The following PIEZO2 variants were observed in gnomAD, a reference collection of about 807,000 sequenced individuals.
PIEZO2 encodes the protein piezo-type mechanosensitive ion channel component 2.
A neutral mutation model predicts 337.3 loss-of-function variants in PIEZO2; 172 were observed. The ratio of observed to expected loss-of-function variants is 0.51; its 90% CI spans 0.45 to 0.58. PIEZO2 has a LOEUF of 0.58. PIEZO2 is among the 20% of genes least tolerant of loss of function. The pLI, the probability that PIEZO2 is intolerant of heterozygous loss-of-function variation, is 0.00. For synonymous variants in PIEZO2, 1,251 were observed against 1,228.5 expected, an observed-to-expected ratio of 1.02 and a Z score of -0.38; for missense variants, 3,028 against 3,391.3, an observed-to-expected ratio of 0.89 and a Z score of 2.66.
At chr18:11,135,710 G>A in intron 1 of PIEZO2, among the ~76,000 whole-genome samples, 1 of 152,148 alleles carries the variant, frequency 6.6e-6, no homozygotes, top group East Asian at 1.9e-4. Flanking sequence ...ATCACGCCCA[G>A]CTAATTTTTG....
At chr18:11,122,550 A>C (rs1332847110) in intron 1 of PIEZO2, among the ~76,000 whole-genome samples, 1 of 152,224 alleles carries the variant, frequency 6.6e-6, no homozygotes, top group Non-Finnish European at 1.5e-5. Context: ...TGCCAATATG[A>C]AAACTAGTAG....
chr18:10,967,035 T>G (rs1462326385), intron 3 of PIEZO2, among the ~76,000 whole-genome samples: 1 of 148,534 alleles, frequency 6.7e-6, no homozygotes, highest in Non-Finnish European at 1.5e-5. Flanking sequence ...TTTTTTTTTT[T>G]GAGATGGAGT....
In PIEZO2 at chr18:10,903,958, A is replaced by G. The variant is rs903613767; in HGVS notation, c.329+7228T>C. On this transcript the variant is annotated intron_variant, in intron 4 of 55. Transcript: ENST00000674853. The surrounding 1 kb of genome is among the most constrained non-coding windows in gnomAD (Gnocchi z 4.1). Reference sequence around the variant, plus strand: ...TCCTTCTTCCACTTCTGTAATATAGATATCATTAGAATAGCACCTGGTACA... The same window carrying G: ...TCCTTCTTCCACTTCTGTAATATAGGTATCATTAGAATAGCACCTGGTACA... 2.0e-5 allele frequency among the ~76,000 whole-genome samples: 3 copies of G among 152,182 alleles called. No homozygotes were observed. The highest frequency in any genetic ancestry group is 4.4e-5 in the Non-Finnish European group (3 of 68,034).
At chr18:11,025,192 G>T (rs1443235563) in intron 2 of PIEZO2, among the ~76,000 whole-genome samples, 1 of 152,042 alleles carries the variant, frequency 6.6e-6, no homozygotes, top group Non-Finnish European at 1.5e-5. Flanking sequence ...CCTCATCCGG[G>T]AAATGGAGAT....
chr18:10,944,055 T>C (rs908568647), intron 3 of PIEZO2, among the ~76,000 whole-genome samples: 1 of 152,156 alleles, frequency 6.6e-6, no homozygotes, highest in African/African-American at 2.4e-5. Context: ...CTTTTGTAAA[T>C]TGTCTAGTCT....
In PIEZO2 at chr18:10,878,924, A is replaced by C. The variant is rs141699330; in HGVS notation, c.330-7509T>G. 6.0e-4 allele frequency among the ~76,000 whole-genome samples: 92 copies of C among 152,318 alleles called. 3 individuals carry two copies. In the East Asian group the frequency reaches 0.014, roughly 24 times the overall value. On this transcript the variant is annotated intron_variant, in intron 4 of 55. Transcript: ENST00000674853. This position sits in a 1 kb window ranked among gnomAD's most constrained non-coding sequence, Gnocchi z 4.3. ...AGGTGGTGTTTTCACAATGAGTGTC[A>C]GGTGTGGTTAGGACTTTCAGGTGCA...
chr18:10,831,082 T>C (rs906062711), intron 7 of PIEZO2, among the ~76,000 whole-genome samples: 6 of 152,128 alleles, frequency 3.9e-5, no homozygotes, highest in Non-Finnish European at 8.8e-5. Flanking sequence ...GGTGGGAATG[T>C]CAATTAGCAC....
chr18:11,024,154 A>G (rs113231149), intron 2 of PIEZO2, among the ~76,000 whole-genome samples: 7,528 of 152,292 alleles, frequency 0.049, 567 homozygotes, highest in African/African-American at 0.16. Flanking sequence ...CCAAGGCCGC[A>G]GAGGCACCGA....
At chr18:10,839,432 A>G (rs2041121588) in intron 7 of PIEZO2, among the ~76,000 whole-genome samples, 1 of 152,216 alleles carries the variant, frequency 6.6e-6, no homozygotes, top group African/African-American at 2.4e-5. Context: ...ATCAAAGAGC[A>G]CTGCACTCTA....
chr18:10,843,313 A>T lies in PIEZO2; in HGVS notation c.917+12040T>A, dbSNP rs544243584. On this transcript the variant is annotated intron_variant, in intron 7 of 55. Transcript: ENST00000674853. Reference sequence around the variant, plus strand: ...AAGATCTCTTTAGATTTCATTTCTTATACGCTCACACTTTCCAATAAAAAG... The same window carrying T: ...AAGATCTCTTTAGATTTCATTTCTTTTACGCTCACACTTTCCAATAAAAAG... Among the ~76,000 whole-genome samples the T allele has an allele frequency of 8.9e-4, 136 of 152,096 alleles. 1 individual carries two copies. Among genetic ancestry groups the T allele is most frequent in the African/African-American group, 3.2e-3 (132 of 41,526 alleles).
At chr18:10,782,286 TA>T (rs67659271) in intron 17 of PIEZO2, among the ~76,000 whole-genome samples, 83,032 of 98,868 alleles carry the variant, frequency 0.84, 35,179 homozygotes, top group East Asian at 0.93. Context: ...TTATATAATA[TA>T]ATTATAATTA....
chr18:10,808,045 T>C (rs118119101), intron 7 of PIEZO2, among the ~76,000 whole-genome samples: 8,581 of 152,280 alleles, frequency 0.056, 295 homozygotes, highest in Non-Finnish European at 0.066. Flanking sequence ...CATAAAACTT[T>C]ATAGGTTAAG....
intron 3 of PIEZO2, among the ~76,000 whole-genome samples, chr18:10,961,795 A>G (rs1371934468): frequency 6.6e-6 from 1 of 152,214 alleles, no homozygotes; most frequent in African/African-American, 2.4e-5. Context: ...AAGTGATACA[A>G]GTCCACACTT....
intron 3 of PIEZO2, among the ~76,000 whole-genome samples, chr18:10,966,837 C>G (rs555537855): frequency 2.6e-5 from 4 of 152,036 alleles, no homozygotes; most frequent in Non-Finnish European, 5.9e-5. Context: ...TTTCTCATAG[C>G]TTAGCTCCCA....
intron 11 of PIEZO2, 128 bp downstream of exon 11, chr18:10,800,209 G>T: frequency 1.6e-6 from 2 of 1,276,162 alleles, no homozygotes; most frequent in Non-Finnish European, 2.1e-6. Flanking sequence ...ACTTAAAGAA[G>T]TGAGGTTAAT....
chr18:10,705,323 A>C lies in PIEZO2; in HGVS notation c.5999+13T>G, dbSNP rs1312888597. The C allele has an allele frequency of 1.3e-6, 2 of 1,523,972 alleles. No individual in the cohort carries two copies. Among genetic ancestry groups the C allele is most frequent in the Non-Finnish European group, 1.8e-6 (2 of 1,139,946 alleles). 94.4% of individuals were successfully genotyped at this position (1,523,972 alleles called of 1,614,324 possible). A position where few individuals can be genotyped will look rare whatever the true frequency, so the allele number is the denominator to read the frequency against. On this transcript the variant is annotated intron_variant, in intron 41 of 55. Transcript: ENST00000674853. ...TTGGGGATATGTGTCTGATCTGTTC[A>C]CTGGACCCTTACTTTTTCAGCAGCA...
chr18:10,748,407 T>C lies in PIEZO2; in HGVS notation c.4424+64A>G, dbSNP rs2037510239. On this transcript the variant is annotated intron_variant, in intron 30 of 55. Coordinates refer to ENST00000674853, the MANE Select transcript of PIEZO2 (RefSeq NM_001378183.1). This position sits in a 1 kb window ranked among gnomAD's most constrained non-coding sequence, Gnocchi z 5.1. ...TAGAAGCAAGCTCAGACAGAAATGA[T>C]AGTGCAATATTATTTCAGGCAAGTT... 9.0e-6 allele frequency: 13 copies of C among 1,445,568 alleles called. No individual in the cohort carries two copies. The East Asian group carries it at 2.2e-4, about 25-fold the overall frequency. 89.5% of individuals were successfully genotyped at this position (1,445,568 alleles called of 1,614,324 possible).
intron 1 of PIEZO2, among the ~76,000 whole-genome samples, chr18:11,133,563 T>G (rs2040398608): frequency 6.6e-6 from 1 of 152,148 alleles, no homozygotes; most frequent in African/African-American, 2.4e-5. Context: ...GGGCACAATC[T>G]AATCAGCTGC....
At chr18:11,039,682 T>C (rs149838640) in intron 2 of PIEZO2, among the ~76,000 whole-genome samples, 35 of 152,202 alleles carry the variant, frequency 2.3e-4, no homozygotes, top group Non-Finnish European at 4.4e-4. Context: ...GTTGATTGGA[T>C]GATTATATAT....
Sources: allele counts gnomAD v4.1 joint callset (sites outside exome capture counted in the v4.1 genomes callset), GRCh38; gene constraint gnomAD v4.1.1; non-coding constraint Gnocchi (gnomAD v3.1); transcripts MANE v1.5; gene names NCBI Gene and HGNC (gene_info 2026-07-23, HGNC 2026-07-21).